DYNC1I1: variants seen among roughly 807,000 people sequenced by gnomAD.
The protein encoded by DYNC1I1 is dynein cytoplasmic 1 intermediate chain 1.
Under a neutral mutation model 86.6 loss-of-function variants are expected in DYNC1I1, and 43 were observed. The ratio of observed to expected loss-of-function variants is 0.50; its 90% confidence interval spans 0.39 to 0.64. The LOEUF is 0.64. Among genes scored for constraint, DYNC1I1 ranks in the 30% least tolerant of loss-of-function variants. The probability of loss-of-function intolerance (pLI) is 0.00; values close to 1 mark genes in which losing one functional copy is unlikely to be tolerated. For missense variants in DYNC1I1, 604 were observed against 788.8 expected, an observed-to-expected ratio of 0.77 and a Z score of 2.81; for synonymous variants, 262 against 283.7, an observed-to-expected ratio of 0.92 and a Z score of 0.77.
chr7:95,876,322 C>G (rs981736038), intron 6 of DYNC1I1, among the ~76,000 whole-genome samples: 2 of 152,132 alleles, frequency 1.3e-5, no homozygotes, highest in African/African-American at 4.8e-5. Context: ...ACCATGGAGT[C>G]TCAAGGTTTT....
At chr7:95,792,962 G>A (rs1336842414) in intron 1 of DYNC1I1, among the ~76,000 whole-genome samples, 4 of 152,066 alleles carry the variant, frequency 2.6e-5, no homozygotes, top group African/African-American at 9.7e-5. Flanking sequence ...TGGAGAGGTG[G>A]GAAATAAGAG....
chr7:95,878,868 AG>A (rs1399410993), intron 6 of DYNC1I1, among the ~76,000 whole-genome samples: 9 of 151,942 alleles, frequency 5.9e-5, no homozygotes, highest in Admixed American at 5.9e-4. Context: ...AACCTCAATA[AG>A]ATAAACTGCT....
intron 6 of DYNC1I1, among the ~76,000 whole-genome samples, chr7:95,881,304 T>A (rs1790448980): frequency 6.6e-6 from 1 of 152,054 alleles, no homozygotes. Context: ...AGGTACTAAC[T>A]GTGTAGGTTT....
chr7:95,828,022 C>G, intron 4 of DYNC1I1, 35 bp from the exon 5 acceptor site: 1 of 1,611,502 alleles, frequency 6.2e-7, no homozygotes, highest in Non-Finnish European at 8.5e-7. Context: ...TTTGTTAATT[C>G]TCTGTGTTCT....
At chr7:95,896,804 C>A (rs1324813406) in intron 6 of DYNC1I1, among the ~76,000 whole-genome samples, 2 of 152,186 alleles carry the variant, frequency 1.3e-5, no homozygotes, top group African/African-American at 4.8e-5. Flanking sequence ...TCTTTCTCAT[C>A]AATTCTGTTT....
At chr7:95,780,412 C>T (rs1009674949) in intron 1 of DYNC1I1, among the ~76,000 whole-genome samples, 2 of 149,926 alleles carry the variant, frequency 1.3e-5, no homozygotes, top group South Asian at 2.1e-4. Flanking sequence ...GGACTACAGG[C>T]GCCCACCACC....
At chr7:95,939,710 T>C (rs1282955915) in intron 6 of DYNC1I1, among the ~76,000 whole-genome samples, 11 of 152,072 alleles carry the variant, frequency 7.2e-5, no homozygotes, top group African/African-American at 2.7e-4. Context: ...TGAGATGGGT[T>C]TCCTGAATAC....
At chr7:95,975,798 C>G (rs1422443841) in intron 6 of DYNC1I1, among the ~76,000 whole-genome samples, 1 of 152,154 alleles carries the variant, frequency 6.6e-6, no homozygotes, top group East Asian at 1.9e-4. Context: ...AAGCCACTTA[C>G]CAACAGCTGA....
At chr7:96,019,675 G>A (rs1486098138) in intron 10 of DYNC1I1, among the ~76,000 whole-genome samples, 5 of 152,072 alleles carry the variant, frequency 3.3e-5, no homozygotes, top group Non-Finnish European at 7.4e-5. Flanking sequence ...CTAATTCAAG[G>A]TGTGAAAGAA....
At chr7:95,955,580 C>G (rs970734104) in intron 6 of DYNC1I1, among the ~76,000 whole-genome samples, 16 of 152,098 alleles carry the variant, frequency 1.1e-4, no homozygotes, top group African/African-American at 3.6e-4. Context: ...CCTGACCCAG[C>G]CTCCTAAGTG....
At chr7:96,038,914 G>A (rs1369430761) in intron 13 of DYNC1I1, among the ~76,000 whole-genome samples, 1 of 152,046 alleles carries the variant, frequency 6.6e-6, no homozygotes, top group Non-Finnish European at 1.5e-5. Flanking sequence ...GAATAAAATA[G>A]TCTTATAAAT....
intron 6 of DYNC1I1, among the ~76,000 whole-genome samples, chr7:95,939,335 C>A (rs914876259): frequency 6.6e-6 from 1 of 152,096 alleles, no homozygotes; most frequent in African/African-American, 2.4e-5. Context: ...GAGCTGAGTT[C>A]AATTCCTGGG....
intron 5 of DYNC1I1, among the ~76,000 whole-genome samples, chr7:95,844,978 T>C (rs1466216576): frequency 6.6e-6 from 1 of 152,266 alleles, no homozygotes; most frequent in African/African-American, 2.4e-5. Context: ...TATTTTCATT[T>C]AAACTATAAG....
chr7:96,077,527 T>G (rs1048085086), intron 15 of DYNC1I1, among the ~76,000 whole-genome samples: 11 of 152,240 alleles, frequency 7.2e-5, no homozygotes, highest in African/African-American at 2.7e-4. Flanking sequence ...ATAACATTAT[T>G]GTTTTTAATA....
chr7:95,998,255 C>T (rs936240249), intron 10 of DYNC1I1, among the ~76,000 whole-genome samples: 5 of 152,232 alleles, frequency 3.3e-5, no homozygotes, highest in African/African-American at 7.2e-5. Context: ...CTTATTCTAT[C>T]GCATACATCG....
chr7:95,965,728 AAAT>A (rs1201191353), intron 6 of DYNC1I1, among the ~76,000 whole-genome samples: 3 of 152,154 alleles, frequency 2.0e-5, no homozygotes, highest in Non-Finnish European at 4.4e-5. Flanking sequence ...ATCAAGAAAA[AAAT>A]AACAAAGAAG....
At chr7:95,866,411 G>A (rs1395286252) in intron 5 of DYNC1I1, among the ~76,000 whole-genome samples, 2 of 152,116 alleles carry the variant, frequency 1.3e-5, no homozygotes, top group Non-Finnish European at 2.9e-5. Flanking sequence ...GGAAAACAAG[G>A]TTTTTAAGTA....
intron 9 of DYNC1I1, among the ~76,000 whole-genome samples, chr7:95,989,588 G>A (rs955050463): frequency 5.9e-5 from 9 of 152,194 alleles, no homozygotes; most frequent in African/African-American, 2.2e-4. Context: ...GAGGAGGCAC[G>A]GGGTGGGGCT....
chr7:95,893,289 G>A (rs950594732), intron 6 of DYNC1I1, among the ~76,000 whole-genome samples: 1 of 152,154 alleles, frequency 6.6e-6, no homozygotes, highest in Non-Finnish European at 1.5e-5. Context: ...ACTAGCACTT[G>A]CAGTATGGAT....
Sources: allele counts gnomAD v4.1 joint callset (sites outside exome capture counted in the v4.1 genomes callset), GRCh38; gene constraint gnomAD v4.1.1; transcripts MANE v1.5; gene names NCBI Gene and HGNC (gene_info 2026-07-23, HGNC 2026-07-21).